Variants in OSBPL3 observed in about 807,000 individuals in gnomAD.
OSBPL3 encodes oxysterol-binding protein-related protein 3.
Under a neutral mutation model 120.1 loss-of-function variants are expected in OSBPL3, and 65 were observed. The ratio of observed to expected loss-of-function variants is 0.54; its 90% CI spans 0.44 to 0.67. The LOEUF (loss-of-function observed/expected upper bound fraction) is 0.67. Among genes scored for constraint, OSBPL3 ranks in the 30% least tolerant of loss-of-function variants. The probability of loss-of-function intolerance (pLI) is 0.00; values close to 1 mark genes in which losing one functional copy is unlikely to be tolerated. For missense variants in OSBPL3, 1,004 were observed against 1,082.1 expected (o/e 0.93, Z 1.01); for synonymous variants, 416 against 402.6 (o/e 1.03, Z -0.40).
chr7:24,949,012 CTTCT>C (rs1357136715), intron 1 of OSBPL3, among the ~76,000 whole-genome samples: 13 of 152,274 alleles, frequency 8.5e-5, no homozygotes, highest in African/African-American at 3.1e-4. Flanking sequence ...TAGACTTCTA[CTTCT>C]TTATTTTTCC....
In OSBPL3 at chr7:24,851,747, C is replaced by T. The variant is rs186181221; in HGVS notation, c.1158+757G>A. 0.029 allele frequency among the ~76,000 whole-genome samples: 4,200 copies of T among 144,016 alleles called. 87 individuals carry two copies. The highest frequency in any genetic ancestry group is 0.044 in the Non-Finnish European group (2,870 of 65,228). 94.5% of individuals were successfully genotyped at this position (144,016 alleles called of 152,430 possible). On this transcript the variant is annotated intron_variant, in intron 11 of 22. Transcript: ENST00000313367. This position sits in a 1 kb window ranked among gnomAD's most constrained non-coding sequence, Gnocchi z 4.1. ...TAGATTCAGGGTAAAAAAAAAAAAA[C>T]GAGATAACTTTATTCAAATAGAGGT...
At chr7:24,866,338 T>C (rs376282554) in intron 5 of OSBPL3, 101 bp from the exon 6 acceptor site, 29 of 905,438 alleles carry the variant, frequency 3.2e-5, no homozygotes, top group South Asian at 1.2e-4. Flanking sequence ...TCTTTTTCAG[T>C]TGGCACGTAA....
intron 1 of OSBPL3, among the ~76,000 whole-genome samples, chr7:24,917,503 T>G (rs1275632107): frequency 6.8e-6 from 1 of 147,888 alleles, no homozygotes. Flanking sequence ...ACAGGGAGTT[T>G]CATCAATTTT....
chr7:24,851,878 T>C lies in OSBPL3; in HGVS notation c.1158+626A>G, dbSNP rs1480938292. ...AATGGCTGAGAATCATTTGGGACCCTGTCAGTGATTTTCCTGTTACTATGA... is the reference window on the plus strand; with the variant it reads ...AATGGCTGAGAATCATTTGGGACCCCGTCAGTGATTTTCCTGTTACTATGA... On this transcript the variant is annotated intron_variant, in intron 11 of 22. Coordinates refer to ENST00000313367, the MANE Select transcript of OSBPL3 (RefSeq NM_015550.4). This position sits in a 1 kb window ranked among gnomAD's most constrained non-coding sequence, Gnocchi z 4.1. 2.0e-5 allele frequency among the ~76,000 whole-genome samples: 3 copies of C among 152,206 alleles called. No homozygotes were observed. Among genetic ancestry groups the C allele is most frequent in the African/African-American group, 7.2e-5 (3 of 41,454 alleles).
chr7:24,922,658 A>C lies in OSBPL3; in HGVS notation c.-149-30037T>G, dbSNP rs544303358. On this transcript the variant is annotated intron_variant, in intron 1 of 22. Transcript: ENST00000313367. This position sits in a 1 kb window ranked among gnomAD's most constrained non-coding sequence, Gnocchi z 4.3. ...CTCCTGTGACTTCCACAGACCTGCC[A>C]GCTCTGCCCTGGTCCTCAGTCTGAC... Among the ~76,000 whole-genome samples the C allele has an allele frequency of 1.3e-5, 2 of 152,242 alleles. No individual in the cohort carries two copies. The highest frequency in any genetic ancestry group is 4.8e-5 in the African/African-American group (2 of 41,526).
rs929161920 is a variant in OSBPL3 at position 24,867,821 on chromosome 7, A to G, written c.382-1584T>C. On this transcript the variant is annotated intron_variant, in intron 5 of 22. Transcript: ENST00000313367. The surrounding 1 kb of genome is among the most constrained non-coding windows in gnomAD (Gnocchi z 4.5). Reference sequence around the variant, plus strand: ...CAGAAATAAAGCACTATACAGCAATAGTATTATTTTTCTAACTTTTATTAC... The same window carrying G: ...CAGAAATAAAGCACTATACAGCAATGGTATTATTTTTCTAACTTTTATTAC... Among the ~76,000 whole-genome samples the G allele has an allele frequency of 1.3e-5, 2 of 152,228 alleles. No individual in the cohort carries two copies. Among genetic ancestry groups the G allele is most frequent in the Admixed American group, 1.3e-4 (2 of 15,278 alleles).
chr7:24,924,977 AG>A, intron 1 of OSBPL3, among the ~76,000 whole-genome samples: 1 of 152,212 alleles, frequency 6.6e-6, no homozygotes, highest in East Asian at 1.9e-4. Context: ...TAAGAAGACA[AG>A]GGAGAAGGCA....
chr7:24,937,689 C>A lies in OSBPL3; in HGVS notation c.-150+42197G>T, dbSNP rs1183054928. Among the ~76,000 whole-genome samples, 4 of 152,180 alleles carry A rather than the reference C, an allele frequency of 2.6e-5. No individual in the cohort carries two copies. Among genetic ancestry groups the A allele is most frequent in the Admixed American group, 2.6e-4 (4 of 15,278 alleles). Reference sequence around the variant, plus strand: ...GTTTATGGTGCTATCAGGCATAAAACATGAAACACCTTAAACCTAACTAAT... The same window carrying A: ...GTTTATGGTGCTATCAGGCATAAAAAATGAAACACCTTAAACCTAACTAAT... On this transcript the variant is annotated intron_variant, in intron 1 of 22. Coordinates refer to ENST00000313367, the MANE Select transcript of OSBPL3 (RefSeq NM_015550.4). This position sits in a 1 kb window ranked among gnomAD's most constrained non-coding sequence, Gnocchi z 4.0.
Position 24,804,105 on chromosome 7 carries a change from T to C in OSBPL3, c.2567+210A>G, listed in dbSNP as rs1792717894. 6.6e-6 allele frequency among the ~76,000 whole-genome samples: 1 copy of C among 152,138 alleles called. No individual in the cohort carries two copies. Among genetic ancestry groups the C allele is most frequent in the Admixed American group, 6.5e-5 (1 of 15,284 alleles). On this transcript the variant is annotated intron_variant, in intron 22 of 22. Coordinates refer to ENST00000313367, the MANE Select transcript of OSBPL3 (RefSeq NM_015550.4). This position sits in a 1 kb window ranked among gnomAD's most constrained non-coding sequence, Gnocchi z 5.4. ...TCAAGGAATGCAAAAATGCAGGCCC[T>C]AGTCCTGTCTGAAGTCAGCAAGAGG... is the stretch of plus-strand genomic sequence containing the variant.
At chr7:24,948,532 G>A (rs1331556646) in intron 1 of OSBPL3, among the ~76,000 whole-genome samples, 1 of 151,950 alleles carries the variant, frequency 6.6e-6, no homozygotes, top group Non-Finnish European at 1.5e-5. Flanking sequence ...GAATCAGATG[G>A]TGTATAGGAT....
In OSBPL3 at chr7:24,872,448, AGTGTGTGTGTGTGTGTGTGT is replaced by A. The variant is rs371127031; in HGVS notation, c.97-399_97-380del. 9.0e-5 allele frequency among the ~76,000 whole-genome samples: 13 copies of A among 144,988 alleles called. No homozygotes were observed. The highest frequency in any genetic ancestry group is 1.5e-4 in the Non-Finnish European group (10 of 66,300). On this transcript the variant is annotated intron_variant, in intron 2 of 22. Transcript: ENST00000313367. This position sits in a 1 kb window ranked among gnomAD's most constrained non-coding sequence, Gnocchi z 4.1. ...TCAGTCTGAATTTTAACCGAAAGAG[AGTGTGTGTGTGTGTGTGTGT>A]GTGTGTGTGTGTGTGTGTGGTGTTG...
intron 5 of OSBPL3, among the ~76,000 whole-genome samples, chr7:24,868,164 A>G (rs892687037): frequency 9.9e-5 from 15 of 151,928 alleles, no homozygotes; most frequent in African/African-American, 1.9e-4. Flanking sequence ...TAAAAATACA[A>G]AAATTAGCTG....
At position 24,834,817 on chromosome 7, in the gene OSBPL3, C is replaced by A; in HGVS notation, c.1496-81G>T. 1 of 1,257,230 alleles carries A rather than the reference C, an allele frequency of 8.0e-7. No individual in the cohort carries two copies. The highest frequency in any genetic ancestry group is 1.1e-6 in the Non-Finnish European group (1 of 924,842). The allele number at this position is 1,257,230 out of a possible 1,614,324, so 77.9% of individuals were successfully genotyped here. On this transcript the variant is annotated intron_variant, in intron 14 of 22. Coordinates refer to ENST00000313367, the MANE Select transcript of OSBPL3 (RefSeq NM_015550.4). The surrounding 1 kb of genome is among the most constrained non-coding windows in gnomAD (Gnocchi z 5.2). ...TTTTTAATCCACGAATAAAACCTTA[C>A]GTAGCAAGTAGTCAATGTTACTATT...
rs1317271359 is a variant in OSBPL3 at position 24,936,735 on chromosome 7, T to C, written c.-150+43151A>G. On this transcript the variant is annotated intron_variant, in intron 1 of 22. Coordinates refer to ENST00000313367, the MANE Select transcript of OSBPL3 (RefSeq NM_015550.4). The surrounding 1 kb of genome is among the most constrained non-coding windows in gnomAD (Gnocchi z 4.2). The stretch of plus-strand genomic sequence containing the variant: ...AGAAGTTAGGGAAGATGTGAAGGGA[T>C]ATGATTCTGGAAACAATCGTGAATA... 6.6e-6 allele frequency among the ~76,000 whole-genome samples: 1 copy of C among 152,204 alleles called. No individual in the cohort carries two copies. Among genetic ancestry groups the C allele is most frequent in the Non-Finnish European group, 1.5e-5 (1 of 68,040 alleles).
chr7:24,971,329 T>C (rs1462869729), intron 1 of OSBPL3, among the ~76,000 whole-genome samples: 1 of 152,180 alleles, frequency 6.6e-6, no homozygotes, highest in African/African-American at 2.4e-5. Context: ...AGAAAACAAT[T>C]TGGTAAATGA....
intron 16 of OSBPL3, among the ~76,000 whole-genome samples, chr7:24,823,673 G>C (rs1363956381): frequency 6.6e-6 from 1 of 152,170 alleles, no homozygotes; most frequent in Non-Finnish European, 1.5e-5. Flanking sequence ...GTAAAATGAG[G>C]TGTGAGGATC....
In OSBPL3 at chr7:24,940,842, C is replaced by T. The variant is rs1469971621; in HGVS notation, c.-150+39044G>A. On this transcript the variant is annotated intron_variant, in intron 1 of 22. Coordinates refer to ENST00000313367, the MANE Select transcript of OSBPL3 (RefSeq NM_015550.4). The surrounding 1 kb of genome is among the most constrained non-coding windows in gnomAD (Gnocchi z 4.4). ...TCTTTTTTTTTTTGTGTGTGTGTGACGGAGTCTCGCTCTGTCGCCCAGGCT... is the reference window on the plus strand; with the variant it reads ...TCTTTTTTTTTTTGTGTGTGTGTGATGGAGTCTCGCTCTGTCGCCCAGGCT... 4.9e-5 allele frequency among the ~76,000 whole-genome samples: 7 copies of T among 144,204 alleles called. No individual in the cohort carries two copies. Among genetic ancestry groups the T allele is most frequent in the South Asian group, 2.2e-4 (1 of 4,608 alleles). The allele number at this position is 144,204 out of a possible 152,430, so 94.6% of individuals were successfully genotyped here.
At chr7:24,981,466 G>C (rs985071739), upstream of OSBPL3, 1 of 152,400 alleles carries the variant, frequency 6.6e-6, no homozygotes, top group African/African-American at 2.4e-5. The surrounding 1 kb of genome is among the most constrained non-coding windows in gnomAD (Gnocchi z 7.3). Context: ...GGGCTCCACA[G>C]TGTTAAATCC....
chr7:24,942,520 G>A (rs1289673823), intron 1 of OSBPL3, among the ~76,000 whole-genome samples: 1 of 152,106 alleles, frequency 6.6e-6, no homozygotes, highest in African/African-American at 2.4e-5. Flanking sequence ...CCTGCTATCA[G>A]GTCTCATCTA....
Sources: gnomAD v4.1 joint callset for allele counts (sites outside exome capture counted in the v4.1 genomes callset) on GRCh38, gnomAD v4.1.1 for gene constraint, Gnocchi (gnomAD v3.1) non-coding constraint, MANE v1.5 for transcripts, NCBI Gene and HGNC (gene_info 2026-07-23, HGNC 2026-07-21) for gene names.